Variants in PTPRN2 observed in about 807,000 individuals in gnomAD.
PTPRN2 encodes the protein protein tyrosine phosphatase receptor type N2.
Under a neutral mutation model 118.8 loss-of-function variants are expected in PTPRN2, and 74 were observed. The ratio of observed to expected loss-of-function variants is 0.62; its 90% CI spans 0.52 to 0.76. PTPRN2 has a LOEUF of 0.76. Ranked by LOEUF, PTPRN2 falls within the 30% of genes least tolerant of loss-of-function variation. PTPRN2 has a pLI of 0.00. For synonymous variants in PTPRN2, 641 were observed against 608.0 expected (o/e 1.05, Z -0.80); for missense variants, 1,481 against 1,394.4 (o/e 1.06, Z -0.99).
At chr7:158,181,211 T>C (rs1005778130) in intron 5 of PTPRN2, among the ~76,000 whole-genome samples, 1 of 152,180 alleles carries the variant, frequency 6.6e-6, no homozygotes, top group Non-Finnish European at 1.5e-5. Flanking sequence ...ATGGTGTTTG[T>C]TTTTAACTGT....
chr7:158,116,584 A>T (rs995743499), intron 9 of PTPRN2, among the ~76,000 whole-genome samples: 1 of 152,252 alleles, frequency 6.6e-6, no homozygotes, highest in Non-Finnish European at 1.5e-5. Flanking sequence ...AATATTGGGA[A>T]TCTGCAATCT....
intron 6 of PTPRN2, among the ~76,000 whole-genome samples, chr7:158,142,577 C>T (rs1012134734): frequency 1.3e-5 from 2 of 152,138 alleles, no homozygotes; most frequent in Non-Finnish European, 2.9e-5. Context: ...TCTGTTTTTT[C>T]ATTAGCCTTG....
chr7:158,327,939 T>C (rs1043547597), intron 2 of PTPRN2, among the ~76,000 whole-genome samples: 1 of 151,672 alleles, frequency 6.6e-6, no homozygotes, highest in South Asian at 2.1e-4. Flanking sequence ...TCCCCAGGGG[T>C]GCAGCAACAA....
intron 5 of PTPRN2, among the ~76,000 whole-genome samples, chr7:158,168,785 C>G (rs1439419024): frequency 6.6e-6 from 1 of 152,176 alleles, no homozygotes; most frequent in Non-Finnish European, 1.5e-5. Context: ...CCTCATCACA[C>G]TTTGTGTCAC....
chr7:157,543,106 G>C (rs187147353), intron 22 of PTPRN2, among the ~76,000 whole-genome samples: 21 of 152,224 alleles, frequency 1.4e-4, no homozygotes, highest in African/African-American at 5.1e-4. Context: ...TTTATGATAG[G>C]AGTTTATTTC....
chr7:158,311,849 ACACT>A (rs1801772926), intron 3 of PTPRN2, among the ~76,000 whole-genome samples: 2 of 146,670 alleles, frequency 1.4e-5, no homozygotes, highest in Non-Finnish European at 1.5e-5. Context: ...ACCTGCACAC[ACACT>A]CACATGCTCA....
intron 1 of PTPRN2, among the ~76,000 whole-genome samples, chr7:158,572,681 T>G (rs946563893): frequency 6.6e-6 from 1 of 152,218 alleles, no homozygotes; most frequent in African/African-American, 2.4e-5. Flanking sequence ...CCTTCATTAT[T>G]TCATACATTT....
chr7:158,089,715 T>G (rs1162087581), intron 10 of PTPRN2, among the ~76,000 whole-genome samples: 1 of 145,176 alleles, frequency 6.9e-6, no homozygotes, highest in East Asian at 2.0e-4. Context: ...ACACACATCC[T>G]TCCTCCCCTG....
At chr7:158,080,522 T>C (rs1812735374) in intron 11 of PTPRN2, among the ~76,000 whole-genome samples, 1 of 151,798 alleles carries the variant, frequency 6.6e-6, no homozygotes, top group African/African-American at 2.4e-5. Context: ...CTTCCTGTAT[T>C]TTTCTTACTA....
rs1802874162 is a variant in PTPRN2 at position 157,617,563 on chromosome 7, GCCAT to G, written c.2344+3795_2344+3798del. The G allele has an allele frequency of 6.6e-6, 1 of 152,468 alleles. No homozygotes were observed. Among genetic ancestry groups the G allele is most frequent in the South Asian group, 2.1e-4 (1 of 4,860 alleles). The allele number at this position is 152,468 out of a possible 1,614,324, so 9.4% of individuals were successfully genotyped here. ...TGCTGGCTCACGATGCCCCAGTGAT[GCCAT>G]GGTTAGGATGCTGCTCAAGCAGCTG... On this transcript the variant is annotated intron_variant, in intron 15 of 22. Coordinates refer to ENST00000389418, the MANE Select transcript of PTPRN2 (RefSeq NM_002847.5). This position sits in a 1 kb window ranked among gnomAD's most constrained non-coding sequence, Gnocchi z 7.5.
intron 12 of PTPRN2, among the ~76,000 whole-genome samples, chr7:157,744,660 A>T (rs1322127486): frequency 6.6e-6 from 1 of 152,200 alleles, no homozygotes; most frequent in Non-Finnish European, 1.5e-5. Context: ...TCATGTTTAA[A>T]TGTGTGAGGC....
At chr7:157,725,972 G>T (rs111694320) in intron 12 of PTPRN2, among the ~76,000 whole-genome samples, 43 of 105,160 alleles carry the variant, frequency 4.1e-4, no homozygotes, top group South Asian at 2.5e-3. Flanking sequence ...TCCACATGCA[G>T]AGGAGTGAGC....
rs1585126068 is a variant in PTPRN2, at chr7:157,621,479, T to G, written c.2227A>C (p.Asn743His). The change falls in exon 15 of 23, where the codon AAC becomes CAC. Residue 743 changes from asparagine to histidine, a missense_variant. By Grantham distance (68) the Asn-to-His change is moderately conservative. Coordinates refer to ENST00000389418, the MANE Select transcript of PTPRN2 (RefSeq NM_002847.5). ...SYMEDHLKNK[N>H]RLEKEWEALC... is the part of the protein sequence containing the mutation. The stretch of plus-strand genomic sequence containing the variant: ...GCTTCCCACTCCTTCTCCAGCCGGT[T>G]CTTGTTCTTCAGGTGGTCCTCCATG... 2 of 1,613,694 alleles carry G rather than the reference T, an allele frequency of 1.2e-6. No individual in the cohort carries two copies. The highest frequency in any genetic ancestry group is 2.2e-5 in the South Asian group (2 of 91,092).
intron 11 of PTPRN2, among the ~76,000 whole-genome samples, chr7:157,956,675 C>T (rs1031921722): frequency 6.6e-6 from 1 of 152,308 alleles, no homozygotes; most frequent in East Asian, 1.9e-4. Flanking sequence ...GCCCTCCTCC[C>T]TAGGGAATGT....
At chr7:158,112,544 G>A (rs1002437659) in intron 9 of PTPRN2, among the ~76,000 whole-genome samples, 5 of 152,304 alleles carry the variant, frequency 3.3e-5, no homozygotes, top group African/African-American at 7.2e-5. Context: ...AGGCCATGCC[G>A]GTGGAGTCCG....
chr7:157,721,922 T>C (rs1442123786), intron 12 of PTPRN2, among the ~76,000 whole-genome samples: 1 of 152,212 alleles, frequency 6.6e-6, no homozygotes, highest in Non-Finnish European at 1.5e-5. Context: ...TTAAGGGATA[T>C]GTGTCTTCAA....
intron 11 of PTPRN2, among the ~76,000 whole-genome samples, chr7:158,040,344 C>T (rs1170028287): frequency 2.0e-5 from 3 of 151,930 alleles, no homozygotes; most frequent in African/African-American, 7.3e-5. Flanking sequence ...CGGACACGCA[C>T]ACACATGCAT....
At chr7:157,702,258 G>C (rs1798116166) in intron 12 of PTPRN2, among the ~76,000 whole-genome samples, 1 of 151,718 alleles carries the variant, frequency 6.6e-6, no homozygotes, top group African/African-American at 2.4e-5. Context: ...TGGTGTAACT[G>C]ACGTGGGCTG....
chr7:158,041,688 A>T (rs1808485097), intron 11 of PTPRN2, among the ~76,000 whole-genome samples: 1 of 152,220 alleles, frequency 6.6e-6, no homozygotes, highest in African/African-American at 2.4e-5. Context: ...AAAGAAAAGA[A>T]ACAATTGAAG....
Sources: gnomAD v4.1 joint callset for allele counts (sites outside exome capture counted in the v4.1 genomes callset) on GRCh38, gnomAD v4.1.1 for gene constraint, Gnocchi (gnomAD v3.1) non-coding constraint, MANE v1.5 for transcripts, NCBI Gene and HGNC (gene_info 2026-07-23, HGNC 2026-07-21) for gene names.